MCM4: variants seen among roughly 807,000 people sequenced by gnomAD.
The protein encoded by MCM4 is DNA replication licensing factor MCM4.
In MCM4, 60 loss-of-function variants were observed where a neutral mutation model predicts 88.7. The observed-to-expected ratio is 0.68, with a 90% CI of 0.55 to 0.84. MCM4 has a LOEUF of 0.84. Ranked by LOEUF, MCM4 falls within the 40% of genes least tolerant of loss-of-function variation. MCM4 has a pLI of 0.00. For synonymous variants in MCM4, 465 were observed against 410.5 expected (o/e 1.13, Z -1.61); for missense variants, 1,149 against 1,105.5 (o/e 1.04, Z -0.56).
intron 3 of MCM4, 172 bp downstream of exon 3, chr8:47,961,852 T>G (rs186368246): frequency 1.2e-5 from 12 of 981,436 alleles, no homozygotes; most frequent in African/African-American, 4.9e-5. Context: ...AATAGTAGTT[T>G]TAGGGCTTAG....
intron 14 of MCM4, 35 bp from the exon 15 acceptor site, chr8:47,974,699 G>C: frequency 1.9e-6 from 3 of 1,560,092 alleles, no homozygotes; most frequent in Non-Finnish European, 2.6e-6. Context: ...CACCAAGGAG[G>C]TTTGCTTTTG....
At chr8:47,963,989 C>T (rs569402822) in intron 7 of MCM4, among the ~76,000 whole-genome samples, 2 of 152,234 alleles carry the variant, frequency 1.3e-5, no homozygotes, top group African/African-American at 4.8e-5. Flanking sequence ...TTTGGGAGGC[C>T]GAGGCAGGCA....
intron 9 of MCM4, among the ~76,000 whole-genome samples, chr8:47,967,153 T>C (rs2090906586): frequency 6.6e-6 from 1 of 152,216 alleles, no homozygotes; most frequent in Non-Finnish European, 1.5e-5. Context: ...CCACCGCAGC[T>C]CCCTACATTC....
Position 47,970,617 on chromosome 8 carries a change from C to A in MCM4, c.1541C>A (p.Thr514Asn), listed in dbSNP as rs2154505330. 6.2e-7 allele frequency: 1 copy of A among 1,614,098 alleles called. No individual in the cohort carries two copies. Among genetic ancestry groups the A allele is most frequent in the Non-Finnish European group, 8.5e-7 (1 of 1,180,026 alleles). Residue 514 changes from threonine (T) to asparagine (N), a missense_variant, in exon 12 of 17, where the codon ACC (threonine) becomes AAC (asparagine). Around this residue, in one of 3 missense-constraint regions of MCM4, gnomAD observed 906 missense variants for 843.0 expected, o/e 1.07. Coordinates refer to ENST00000649973, the MANE Select transcript of MCM4 (RefSeq NM_182746.3). ...INILLCGDPG[T>N]SKSQLLQYVY... ...ATCTTGCTGTGTGGCGACCCTGGTA[C>A]CAGCAAGTCCCAGCTGCTGCAGTAC...
At chr8:47,967,761 G>A (rs1438217179) in intron 10 of MCM4, among the ~76,000 whole-genome samples, 1 of 152,176 alleles carries the variant, frequency 6.6e-6, no homozygotes, top group East Asian at 1.9e-4. Context: ...GTATCCTGGA[G>A]CTGTGTGTGT....
intron 12 of MCM4, 114 bp from the exon 13 acceptor site, chr8:47,971,227 G>A (rs1563834687): frequency 8.0e-7 from 1 of 1,252,396 alleles, no homozygotes; most frequent in Non-Finnish European, 1.1e-6. Context: ...CATGGCTCAG[G>A]CAATAGAAAC....
At chr8:47,964,416 G>A (rs2090878354) in intron 7 of MCM4, among the ~76,000 whole-genome samples, 158 bp from the exon 8 acceptor site, 1 of 152,162 alleles carries the variant, frequency 6.6e-6, no homozygotes, top group South Asian at 2.1e-4. Context: ...AGATAGTTCA[G>A]CATACCTAAA....
chr8:47,967,916 A>G (rs1427057998), intron 10 of MCM4, among the ~76,000 whole-genome samples: 2 of 152,232 alleles, frequency 1.3e-5, no homozygotes, highest in Non-Finnish European at 2.9e-5. Context: ...TCCCAAATGT[A>G]TAGCCAAGGG....
At position 47,966,201 on chromosome 8, in the gene MCM4, A is replaced by G. The variant is rs1408107753; in HGVS notation, c.847A>G (p.Ile283Val). The change falls in exon 9 of 17, where the codon ATC becomes GTC. Residue 283 changes from isoleucine to valine, a missense_variant. Ile to Val is a conservative substitution (Grantham distance 29, BLOSUM62 3). Around this residue, in one of 3 missense-constraint regions of MCM4, gnomAD observed 906 missense variants for 843.0 expected, o/e 1.07. Coordinates refer to ENST00000649973, the MANE Select transcript of MCM4 (RefSeq NM_182746.3). ...NLNPEDIDQLITISGMVIRTS... is the reference protein window; with the variant it reads ...NLNPEDIDQLVTISGMVIRTS... ...TCCCCTCACAGACATTGACCAGCTC[A>G]TCACCATCAGCGGCATGGTGATCAG... 6.2e-7 allele frequency: 1 copy of G among 1,613,266 alleles called. No homozygotes were observed. The highest frequency in any genetic ancestry group is 1.3e-5 in the African/African-American group (1 of 74,884).
chr8:47,962,940 T>C lies in MCM4; in HGVS notation c.598-5T>C. 6.3e-7 allele frequency: 1 copy of C among 1,584,802 alleles called. No individual in the cohort carries two copies. The highest frequency in any genetic ancestry group is 8.6e-7 in the Non-Finnish European group (1 of 1,166,724). ...AAATATAACTTGTTCATTTTTATTT[T>C]CTAGATTAATGTTATTGGTGAGCCA... is the stretch of plus-strand genomic sequence containing the variant. On this transcript the variant is annotated splice_region_variant and splice_polypyrimidine_tract_variant and intron_variant, in intron 6 of 16. Transcript: ENST00000649973.
In MCM4 at chr8:47,966,180, C is replaced by A; in HGVS notation, c.833-7C>A. 1 of 1,612,874 alleles carries A rather than the reference C, an allele frequency of 6.2e-7. No homozygotes were observed. Among genetic ancestry groups the A allele is most frequent in the South Asian group, 1.1e-5 (1 of 91,058 alleles). On this transcript the variant is annotated splice_polypyrimidine_tract_variant and splice_region_variant and intron_variant, in intron 8 of 16. Coordinates refer to ENST00000649973, the MANE Select transcript of MCM4 (RefSeq NM_182746.3). ...CAGGTGTGCTGACCTCTCTTCTCCCCTCACAGACATTGACCAGCTCATCAC... is the reference window on the plus strand; with the variant it reads ...CAGGTGTGCTGACCTCTCTTCTCCCATCACAGACATTGACCAGCTCATCAC...
Position 47,971,394 on chromosome 8 carries a change from T to C in MCM4, c.1854T>C (p.Asn618=). ...NARTSVLAAA[N]PIESQWNPKK... The stretch of plus-strand genomic sequence containing the variant: ...GCACCTCTGTCCTGGCAGCAGCAAA[T>C]CCCATTGAGTCTCAGTGGAATCCTA... The change falls in exon 13 of 17, where the codon AAT becomes AAC. Residue 618 remains asparagine, a synonymous_variant. Transcript: ENST00000649973. 1 of 1,614,082 alleles carries C rather than the reference T, an allele frequency of 6.2e-7. No individual in the cohort carries two copies. The highest frequency in any genetic ancestry group is 8.5e-7 in the Non-Finnish European group (1 of 1,179,986).
chr8:47,969,577 C>T (rs563354263), intron 10 of MCM4: 7 of 568,054 alleles, frequency 1.2e-5, no homozygotes, highest in Non-Finnish European at 2.2e-5. Context: ...CCGTTTCCTG[C>T]TGCTATTTCC....
chr8:47,967,342 G>A (rs868684707), intron 9 of MCM4, 23 bp from the exon 10 acceptor site: 3 of 1,613,852 alleles, frequency 1.9e-6, no homozygotes, highest in Middle Eastern at 1.7e-4. Flanking sequence ...TGGCCCACAT[G>A]TTCTCTGTTT....
chr8:47,960,988 T>G lies in MCM4; in HGVS notation c.-41T>G. ...CAGGTGGACTCGGAGTCCGCGAGCG[T>G]CGTCGGCAAGCGGCCGCCTTTCCAC... On this transcript the variant is annotated 5_prime_UTR_variant, in exon 1 of 17. Transcript: ENST00000649973. 1 of 715,386 alleles carries G rather than the reference T, an allele frequency of 1.4e-6. No homozygotes were observed. The highest frequency in any genetic ancestry group is 2.1e-6 in the Non-Finnish European group (1 of 478,626). The allele number at this position is 715,386 out of a possible 1,614,324, so 44.3% of individuals were successfully genotyped here.
intron 10 of MCM4, chr8:47,969,583 T>C (rs2090932211): frequency 1.7e-6 from 1 of 575,120 alleles, no homozygotes; most frequent in Admixed American, 3.1e-5. Context: ...CCTGCTGCTA[T>C]TTCCCTGCTT....
In MCM4 at chr8:47,977,779, T is replaced by C. The variant is rs1324739271; in HGVS notation, c.*1001T>C. The C allele has an allele frequency of 6.6e-6, 1 of 152,142 alleles. No homozygotes were observed. The highest frequency in any genetic ancestry group is 1.9e-4 in the East Asian group (1 of 5,192). 9.4% of individuals were successfully genotyped at this position (152,142 alleles called of 1,614,324 possible). A position where few individuals can be genotyped will look rare whatever the true frequency, so the allele number is the denominator to read the frequency against. ...CAGCCTTTGTTTTATTTTTTATTTTTTGAGAGGTATGATTCTTTCTAGAGA... is the reference window on the plus strand; with the variant it reads ...CAGCCTTTGTTTTATTTTTTATTTTCTGAGAGGTATGATTCTTTCTAGAGA... On this transcript the variant is annotated 3_prime_UTR_variant, in exon 17 of 17. Coordinates refer to ENST00000649973, the MANE Select transcript of MCM4 (RefSeq NM_182746.3).
intron 16 of MCM4, 123 bp downstream of exon 16, chr8:47,975,971 G>A: frequency 1.3e-6 from 1 of 763,620 alleles, no homozygotes; most frequent in South Asian, 4.3e-5. Flanking sequence ...AAAGGAAGAT[G>A]AACCATAAGC....
In MCM4 at chr8:47,969,887, C is replaced by G. The variant is rs78091557; in HGVS notation, c.1264C>G (p.Arg422Gly). 4.3e-6 allele frequency: 7 copies of G among 1,614,094 alleles called. No individual in the cohort carries two copies. The highest frequency in any genetic ancestry group is 2.5e-6 in the Non-Finnish European group (3 of 1,180,052). The change falls in exon 11 of 17, where the codon CGG (arginine) becomes GGG (glycine). Residue 422 changes from arginine (R) to glycine (G), a missense_variant. Arg to Gly is a moderately radical substitution (Grantham distance 125). Transcript: ENST00000649973. ...YKTHIDVIHY[R>G]KTDAKRLHGL... ...AACCCACATTGATGTCATTCATTAT[C>G]GGAAAACGGATGCAAAACGTCTGCA...
Sources: allele counts gnomAD v4.1 joint callset (sites outside exome capture counted in the v4.1 genomes callset), GRCh38; gene constraint gnomAD v4.1.1; regional missense constraint gnomAD v4.1.1; transcripts MANE v1.5; gene names NCBI Gene and HGNC (gene_info 2026-07-23, HGNC 2026-07-21).